RYR2: variants seen among roughly 807,000 people sequenced by gnomAD.
RYR2 encodes the protein cardiac muscle ryanodine receptor-calcium release channel.
RYR2 carries 227 observed loss-of-function variants against 601.1 expected under a neutral mutation model. The ratio of observed to expected loss-of-function variants is 0.38; its 90% CI spans 0.34 to 0.42. The LOEUF (loss-of-function observed/expected upper bound fraction) is 0.42, where lower values mean the gene tolerates loss of function less well. RYR2 is among the 10% of genes least tolerant of loss of function. RYR2 has a pLI of 1.00. For missense variants in RYR2, 4,646 were observed against 6,156.5 expected (o/e 0.75, Z 8.21); for synonymous variants, 2,223 against 2,175.1 (o/e 1.02, Z -0.61).
chr1:237,359,818 G>A (rs964327589), intron 4 of RYR2, among the ~76,000 whole-genome samples: 2 of 152,136 alleles, frequency 1.3e-5, no homozygotes, highest in Admixed American at 1.3e-4. Flanking sequence ...TACTGGATAA[G>A]AAAGTAACTA....
chr1:237,741,570 T>C (rs10925504), intron 79 of RYR2, among the ~76,000 whole-genome samples: 36,774 of 152,090 alleles, frequency 0.24, 5,542 homozygotes, highest in East Asian at 0.61. Context: ...AGCTGAGATG[T>C]ATTAAAAGCA....
chr1:237,792,084 A>G (rs1370238841), intron 93 of RYR2, 21 bp from the exon 94 acceptor site: 2 of 1,546,680 alleles, frequency 1.3e-6, no homozygotes, highest in Non-Finnish European at 1.8e-6. Context: ...AACTGACTCT[A>G]CTTTAAATGC....
At chr1:237,227,005 G>T (rs753529392) in intron 1 of RYR2, among the ~76,000 whole-genome samples, 1 of 152,134 alleles carries the variant, frequency 6.6e-6, no homozygotes, top group Non-Finnish European at 1.5e-5. Context: ...TTGGGCTAAA[G>T]CCATCTGCCT....
At chr1:237,667,999 C>A in intron 58 of RYR2, 41 bp downstream of exon 58, 1 of 1,478,678 alleles carries the variant, frequency 6.8e-7, no homozygotes, top group Non-Finnish European at 9.2e-7. Context: ...ATAATCTGAG[C>A]TCAATTCCAT....
intron 29 of RYR2, among the ~76,000 whole-genome samples, chr1:237,583,629 T>G (rs1674177998): frequency 6.6e-6 from 1 of 152,196 alleles, no homozygotes; most frequent in African/African-American, 2.4e-5. Context: ...TTATCTGCTT[T>G]TTGGCCATTT....
chr1:237,792,368 T>TGTGCGCGCGC lies in RYR2; in HGVS notation c.13782+48_13782+49insCGCGCGCGTG, dbSNP rs1553327310. 17 of 928,624 alleles carry TGTGCGCGCGC rather than the reference T, an allele frequency of 1.8e-5. 1 individual carries two copies. The African/African-American group carries it at 2.5e-4, about 14-fold the overall frequency. The allele number at this position is 928,624 out of a possible 1,614,324, so 57.5% of individuals were successfully genotyped here. A position where few individuals can be genotyped will look rare whatever the true frequency, so the allele number is the denominator to read the frequency against. On this transcript the variant is annotated intron_variant, in intron 94 of 104. Transcript: ENST00000366574. ...AGGTACCTGTGTGTGTGTGTGTGTG[T>TGTGCGCGCGC]GTGTGTGTGTGTGCGTGTGTGTGTG...
chr1:237,632,839 A>G (rs1177519645), intron 42 of RYR2, among the ~76,000 whole-genome samples: 1 of 152,200 alleles, frequency 6.6e-6, no homozygotes, highest in Non-Finnish European at 1.5e-5. Flanking sequence ...AAATCTTAGG[A>G]TGTATTTTTC....
At chr1:237,638,303 A>T (rs1195710684) in intron 44 of RYR2, 54 bp from the exon 45 acceptor site, 27 of 1,610,508 alleles carry the variant, frequency 1.7e-5, no homozygotes, top group Non-Finnish European at 2.2e-5. Flanking sequence ...CAATGTAAGC[A>T]TCTAATGAGT....
chr1:237,756,204 G>A (rs1193739293), intron 80 of RYR2, 84 bp from the exon 81 acceptor site: 1 of 830,392 alleles, frequency 1.2e-6, no homozygotes, highest in African/African-American at 1.7e-5. Context: ...GCCCATACAT[G>A]AAGAGATGAC....
chr1:237,701,443 A>G (rs1687961436), intron 65 of RYR2, among the ~76,000 whole-genome samples: 1 of 152,018 alleles, frequency 6.6e-6, no homozygotes, highest in African/African-American at 2.4e-5. Flanking sequence ...AGACAAGATA[A>G]TCACTTGAAC....
intron 34 of RYR2, among the ~76,000 whole-genome samples, chr1:237,597,294 A>AT (rs3057358): frequency 0.022 from 3,206 of 144,656 alleles, 69 homozygotes; most frequent in African/African-American, 0.059. Context: ...AGTCCAGAGT[A>AT]TTTTTTTTTT....
At chr1:237,432,062 A>C (rs1286781464) in intron 12 of RYR2, among the ~76,000 whole-genome samples, 1 of 152,020 alleles carries the variant, frequency 6.6e-6, no homozygotes, top group Non-Finnish European at 1.5e-5. Flanking sequence ...CCCATGAATG[A>C]AACAAATGCC....
chr1:237,383,417 G>GTTTTTTTTTTTTTTTTTT (rs10567644), intron 8 of RYR2, among the ~76,000 whole-genome samples: 4 of 50,582 alleles, frequency 7.9e-5, no homozygotes, highest in Non-Finnish European at 1.5e-4. Flanking sequence ...CTTTTTTCTT[G>GTTTTTTTTTTTTTTTTTT]TTTTTTTTTT....
intron 65 of RYR2, 108 bp downstream of exon 65, chr1:237,700,575 G>C (rs769379041): frequency 3.5e-5 from 22 of 628,590 alleles, no homozygotes; most frequent in Non-Finnish European, 6.2e-5. Context: ...CTGTTTACAT[G>C]TTAAAATGCC....
At chr1:237,671,113 T>C (rs1366906986) in intron 58 of RYR2, among the ~76,000 whole-genome samples, 1 of 152,084 alleles carries the variant, frequency 6.6e-6, no homozygotes, top group Admixed American at 6.5e-5. Flanking sequence ...AGTGGTGAGG[T>C]AGGGGAAATT....
rs182827129 is a variant in RYR2, at chr1:237,635,983, T to C, written c.6792+991T>C. On this transcript the variant is annotated intron_variant, in intron 44 of 104. Coordinates refer to ENST00000366574, the MANE Select transcript of RYR2 (RefSeq NM_001035.3). ...CAATGCTCCAAAGTCACCCTCTTGA[T>C]CAGCTCTTCCACATCCATGCTGTGT... 1.7e-3 allele frequency among the ~76,000 whole-genome samples: 260 copies of C among 151,608 alleles called. 3 individuals carry two copies. The highest frequency in any genetic ancestry group is 6.2e-3 in the African/African-American group (253 of 41,090).
At chr1:237,670,879 T>C (rs1351504521) in intron 58 of RYR2, among the ~76,000 whole-genome samples, 1 of 152,236 alleles carries the variant, frequency 6.6e-6, no homozygotes, top group Non-Finnish European at 1.5e-5. Context: ...GTTTCTGATT[T>C]TGGAACATTT....
chr1:237,822,631 G>A (rs2486557), intron 101 of RYR2, among the ~76,000 whole-genome samples: 39,903 of 151,970 alleles, frequency 0.26, 5,686 homozygotes, highest in East Asian at 0.61. Context: ...CTAATGGGCA[G>A]AATAACCAGC....
chr1:237,097,135 T>C (rs1667580758), intron 1 of RYR2, among the ~76,000 whole-genome samples: 1 of 152,228 alleles, frequency 6.6e-6, no homozygotes, highest in Non-Finnish European at 1.5e-5. Flanking sequence ...TTCCAATGAA[T>C]ATGATTCAAA....
Sources: gnomAD v4.1 joint callset for allele counts (sites outside exome capture counted in the v4.1 genomes callset) on GRCh38, gnomAD v4.1.1 for gene constraint, MANE v1.5 for transcripts, NCBI Gene and HGNC (gene_info 2026-07-23, HGNC 2026-07-21) for gene names.